PER2: variants seen among roughly 807,000 people sequenced by gnomAD.
The protein encoded by PER2 is period circadian regulator 2, also known as period circadian protein homolog 2.
Under a neutral mutation model 121.0 loss-of-function variants are expected in PER2, and 66 were observed. The ratio of observed to expected loss-of-function variants is 0.55; its 90% confidence interval spans 0.45 to 0.67. The LOEUF (loss-of-function observed/expected upper bound fraction) is 0.67. Ranked by LOEUF, PER2 falls within the 30% of genes least tolerant of loss-of-function variation. PER2 has a pLI of 0.00. For missense variants in PER2, 1,521 were observed against 1,635.0 expected (o/e 0.93, Z 1.20); for synonymous variants, 684 against 659.9 (o/e 1.04, Z -0.56).
At position 238,262,247 on chromosome 2, in the gene PER2, G is replaced by A; in HGVS notation, c.1251C>T (p.Phe417=). The change falls in exon 11 of 23, where the codon TTC becomes TTT. Residue 417 remains phenylalanine (F), a synonymous_variant. Coordinates refer to ENST00000254657, the MANE Select transcript of PER2 (RefSeq NM_022817.3). ...AGATTTTCCTGCTCCATGGGTTGAT[G>A]AAGCTGGACCAGCTGGTGTCCAACG... ...YITLDTSWSS[F]INPWSRKISF... 1.9e-6 allele frequency: 3 copies of A among 1,614,082 alleles called. No individual in the cohort carries two copies. The highest frequency in any genetic ancestry group is 2.5e-6 in the Non-Finnish European group (3 of 1,179,998).
intron 1 of PER2, among the ~76,000 whole-genome samples, chr2:238,281,558 G>A (rs1201062340): frequency 6.6e-6 from 1 of 152,158 alleles, no homozygotes; most frequent in Non-Finnish European, 1.5e-5. Context: ...AATACCTTTT[G>A]GGAACAGAGA....
Position 238,250,618 on chromosome 2 carries a change from C to A in PER2, c.3400G>T (p.Asp1134Tyr), listed in dbSNP as rs759391083. The change falls in exon 21 of 23, where the codon GAT (aspartate) becomes TAT (tyrosine). Residue 1134 changes from aspartate (D) to tyrosine (Y), a missense_variant. Coordinates refer to ENST00000254657, the MANE Select transcript of PER2 (RefSeq NM_022817.3). ...TCTGCCATCAGCAGCCAGATGGGAT[C>A]CTGCAGGACGCACTTAATGAAATGC... Reference protein sequence around the residue: ...SEHFIKCVLQDPIWLLMADAD... With the variant: ...SEHFIKCVLQYPIWLLMADAD... 1.2e-6 allele frequency: 2 copies of A among 1,613,944 alleles called. No individual in the cohort carries two copies. The highest frequency in any genetic ancestry group is 2.2e-5 in the East Asian group (1 of 44,884).
At chr2:238,251,484 G>T in intron 20 of PER2, 115 bp downstream of exon 20, 1 of 931,638 alleles carries the variant, frequency 1.1e-6, no homozygotes, top group Non-Finnish European at 1.7e-6. Flanking sequence ...TCTGACAGCT[G>T]CTTGGGGAGT....
chr2:238,245,969 G>C lies in PER2; in HGVS notation c.*406C>G, dbSNP rs149923742. ...CCCAAGAGAGGACAAAATTTGATCTGATCCAAACACCCTGGGAAAGCTCTG... is the reference window on the plus strand; with the variant it reads ...CCCAAGAGAGGACAAAATTTGATCTCATCCAAACACCCTGGGAAAGCTCTG... On this transcript the variant is annotated 3_prime_UTR_variant, in exon 23 of 23. Coordinates refer to ENST00000254657, the MANE Select transcript of PER2 (RefSeq NM_022817.3). The C allele has an allele frequency of 1.0e-3, 262 of 251,718 alleles. 4 individuals carry two copies. Among genetic ancestry groups the C allele is most frequent in the African/African-American group, 5.5e-3 (249 of 45,504 alleles). 15.6% of individuals were successfully genotyped at this position (251,718 alleles called of 1,614,324 possible). A position where few individuals can be genotyped will look rare whatever the true frequency, so the allele number is the denominator to read the frequency against.
chr2:238,295,123 T>C, the PER2 span, among the ~76,000 whole-genome samples: 3 of 152,234 alleles, frequency 2.0e-5, no homozygotes, highest in African/African-American at 7.2e-5. Context: ...GTCTGTTTTC[T>C]CCTGCTGGCT....
chr2:238,291,585 T>C (rs1006062693), upstream of PER2, among the ~76,000 whole-genome samples: 1 of 152,158 alleles, frequency 6.6e-6, no homozygotes, highest in Non-Finnish European at 1.5e-5. Flanking sequence ...TCTAAAGAGA[T>C]GGAGGGGACA....
chr2:238,274,375 C>A (rs529316086), intron 4 of PER2, among the ~76,000 whole-genome samples: 1 of 152,230 alleles, frequency 6.6e-6, no homozygotes, highest in East Asian at 1.9e-4. Context: ...TTCTGCCACG[C>A]GTGTGCTTCC....
rs917624148 is a variant in PER2, at chr2:238,253,850, A to T, written c.2321-148T>A. The T allele has an allele frequency of 4.1e-5, 27 of 655,404 alleles. No individual in the cohort carries two copies. The South Asian group carries it at 4.7e-4, about 11-fold the overall frequency. 40.6% of individuals were successfully genotyped at this position (655,404 alleles called of 1,614,324 possible). A position where few individuals can be genotyped will look rare whatever the true frequency, so the allele number is the denominator to read the frequency against. ...TTTCCCTGATCCTCAGTGAAGTGAG[A>T]AAAATCAGGGCAAAACATCAGGTTT... is the stretch of plus-strand genomic sequence containing the variant. On this transcript the variant is annotated intron_variant, in intron 18 of 22. Coordinates refer to ENST00000254657, the MANE Select transcript of PER2 (RefSeq NM_022817.3). The surrounding 1 kb of genome is among the most constrained non-coding windows in gnomAD (Gnocchi z 5.6).
chr2:238,258,219 C>T, intron 16 of PER2, 57 bp downstream of exon 16: 2 of 1,593,776 alleles, frequency 1.3e-6, no homozygotes, highest in Non-Finnish European at 1.7e-6. Flanking sequence ...ACGTCTGACT[C>T]TACTCCAGAG....
rs779932921 is a variant in PER2 at position 238,268,202 on chromosome 2, C to T, written c.825-4G>A. The T allele has an allele frequency of 6.0e-5, 97 of 1,613,498 alleles. No individual in the cohort carries two copies. The highest frequency in any genetic ancestry group is 7.5e-5 in the Non-Finnish European group (88 of 1,179,888). On this transcript the variant is annotated splice_polypyrimidine_tract_variant and splice_region_variant and intron_variant, in intron 7 of 22. Transcript: ENST00000254657. This position sits in a 1 kb window ranked among gnomAD's most constrained non-coding sequence, Gnocchi z 4.0. The stretch of plus-strand genomic sequence containing the variant: ...ATTCTCGTGGCTTTTCCGGACACTG[C>T]GGAGAAGAGCCACGCTCTAAGTTGG...
At chr2:238,264,312 G>A (rs1433259910) in intron 9 of PER2, among the ~76,000 whole-genome samples, 2 of 152,232 alleles carry the variant, frequency 1.3e-5, no homozygotes, top group Admixed American at 6.5e-5. Context: ...GCAGGGTGGT[G>A]TCCAGAAGCC....
At chr2:238,292,475 C>A (rs534190464), upstream of PER2, among the ~76,000 whole-genome samples, 13 of 152,270 alleles carry the variant, frequency 8.5e-5, no homozygotes, top group African/African-American at 3.1e-4. Flanking sequence ...CCCTAGAGAT[C>A]ACAGAGCTGG....
upstream of PER2, chr2:238,289,784 A>C (rs1317013473): frequency 1.3e-5 from 2 of 152,288 alleles, no homozygotes; most frequent in Admixed American, 1.3e-4. Flanking sequence ...GGGACCCTGC[A>C]TCACCTTGTT....
chr2:238,251,879 C>T, intron 19 of PER2, 118 bp from the exon 20 acceptor site: 1 of 868,492 alleles, frequency 1.2e-6, no homozygotes, highest in East Asian at 2.5e-5. Flanking sequence ...TGTGGAGCGG[C>T]TGCAAGGTTC....
intron 17 of PER2, 35 bp from the exon 18 acceptor site, chr2:238,255,946 G>A (rs377488872): frequency 2.0e-5 from 33 of 1,613,260 alleles, no homozygotes; most frequent in African/African-American, 2.0e-4. Context: ...TGGTCCACAC[G>A]TGCCCTGTTT....
At chr2:238,251,891 C>T (rs1356451176) in intron 19 of PER2, 130 bp from the exon 20 acceptor site, 12 of 774,500 alleles carry the variant, frequency 1.5e-5, no homozygotes, top group East Asian at 7.8e-5. Context: ...GCAAGGTTCA[C>T]GGCCAGGGAC....
At chr2:238,263,618 AACTTCAGCAGC>A (rs1696002294) in intron 9 of PER2, among the ~76,000 whole-genome samples, 1 of 151,986 alleles carries the variant, frequency 6.6e-6, no homozygotes, top group Non-Finnish European at 1.5e-5. Context: ...GACGGAGCTG[AACTTCAGCAGC>A]ACCTTCTGCT....
intron 8 of PER2, among the ~76,000 whole-genome samples, chr2:238,265,833 G>A (rs142321989): frequency 1.5e-4 from 23 of 151,972 alleles, no homozygotes; most frequent in Non-Finnish European, 3.1e-4. Context: ...CGAAACTGCC[G>A]TGTTAACAAA....
upstream of PER2, among the ~76,000 whole-genome samples, chr2:238,291,190 C>T (rs1258139357): frequency 1.3e-5 from 2 of 152,180 alleles, no homozygotes; most frequent in African/African-American, 4.8e-5. Context: ...TCCCCACCTA[C>T]CTTGGGAATG....
Sources: allele counts gnomAD v4.1 joint callset (sites outside exome capture counted in the v4.1 genomes callset), GRCh38; gene constraint gnomAD v4.1.1; non-coding constraint Gnocchi (gnomAD v3.1); transcripts MANE v1.5; gene names NCBI Gene and HGNC (gene_info 2026-07-23, HGNC 2026-07-21).